The following ESR2 variants were observed in gnomAD, a reference collection of about 807,000 sequenced individuals.
ESR2 encodes estrogen receptor beta.
ESR2 carries 36 observed loss-of-function variants against 49.6 expected under a neutral mutation model. The observed-to-expected ratio is 0.73, with a 90% CI of 0.56 to 0.96. ESR2 has a LOEUF of 0.96. ESR2 is among the 40% of genes least tolerant of loss of function. ESR2 has a pLI of 0.00. For missense variants in ESR2, 714 were observed against 693.0 expected (o/e 1.03, Z -0.34); for synonymous variants, 320 against 266.1 (o/e 1.20, Z -1.97).
chr14:64,313,960 TGATAGAATGA>T (rs146794327), intron 1 of ESR2, among the ~76,000 whole-genome samples: 305 of 151,504 alleles, frequency 2.0e-3, no homozygotes, highest in African/African-American at 7.2e-3. Context: ...CTCTCTCAGT[TGATAGAATGA>T]GATAGATAAT....
In ESR2 at chr14:64,263,152, A is replaced by G. The variant is rs117044428; in HGVS notation, c.653-2404T>C. 9.4e-3 allele frequency among the ~76,000 whole-genome samples: 1,431 copies of G among 152,284 alleles called. 11 individuals carry two copies. The highest frequency in any genetic ancestry group is 0.014 in the Admixed American group (212 of 15,306). ...AAATTATACATATTTTTAAATCTAG[A>G]CATAGATTAGGTGTAAGAGATATAC... On this transcript the variant is annotated intron_variant, in intron 4 of 8. Transcript: ENST00000341099.
intron 1 of ESR2, among the ~76,000 whole-genome samples, chr14:64,327,392 C>T (rs1464399274): frequency 2.0e-5 from 3 of 150,478 alleles, no homozygotes; most frequent in Non-Finnish European, 4.4e-5. Context: ...GAAACCCCAT[C>T]TCTACTAAAA....
chr14:64,242,239 A>G (rs1054807815), intron 7 of ESR2, among the ~76,000 whole-genome samples: 10 of 151,994 alleles, frequency 6.6e-5, no homozygotes, highest in Admixed American at 6.6e-4. Context: ...GTGAAACCTC[A>G]TCTCTACTAA....
At chr14:64,295,634 C>A (rs2076946654), upstream of ESR2, among the ~76,000 whole-genome samples, 1 of 152,164 alleles carries the variant, frequency 6.6e-6, no homozygotes, top group African/African-American at 2.4e-5. Context: ...CTGCAGCAGA[C>A]AACATGCCAA....
chr14:64,328,331 A>C (rs28659912), intron 1 of ESR2, among the ~76,000 whole-genome samples: 21,486 of 152,020 alleles, frequency 0.14, 2,055 homozygotes, highest in African/African-American at 0.27. Flanking sequence ...AGACAGGAGA[A>C]TCACTTGAAC....
chr14:64,235,136 C>T lies in ESR2; in HGVS notation c.1240G>A (p.Val414Ile). 1.9e-6 allele frequency: 3 copies of T among 1,613,658 alleles called. No individual in the cohort carries two copies. Among genetic ancestry groups the T allele is most frequent in the Non-Finnish European group, 2.5e-6 (3 of 1,179,988 alleles). The change falls in exon 8 of 9, where the codon GTC becomes ATC. Residue 414 changes from valine (V) to isoleucine (I), a missense_variant. Coordinates refer to ENST00000341099, the MANE Select transcript of ESR2 (RefSeq NM_001437.3). ...ILLNSSMYPL[V>I]TATQDADSSR... ...CTGTCAGCATCCTGGGTCGCTGTGA[C>T]CAGAGGGTACATACCTGGACAAAGA...
At chr14:64,338,366 C>T (rs967675018), upstream of ESR2, 2 of 154,928 alleles carry the variant, frequency 1.3e-5, no homozygotes, top group African/African-American at 4.8e-5. Context: ...GGTGCTGGGC[C>T]CAGACCCAGG....
intron 1 of ESR2, among the ~76,000 whole-genome samples, chr14:64,305,209 T>C (rs1400822632): frequency 1.4e-5 from 2 of 144,236 alleles, no homozygotes; most frequent in African/African-American, 5.2e-5. Context: ...GAGAATGGCG[T>C]GAACCCAGGA....
At chr14:64,320,895 C>G (rs2077317706) in intron 1 of ESR2, among the ~76,000 whole-genome samples, 1 of 151,190 alleles carries the variant, frequency 6.6e-6, no homozygotes. Flanking sequence ...AACTCCGCCT[C>G]AATAATAATA....
intron 7 of ESR2, among the ~76,000 whole-genome samples, chr14:64,246,734 C>CAAAAAAAAAAAAAAAAAAAAAAAAAAAAA (rs71123836): frequency 8.2e-5 from 3 of 36,452 alleles, no homozygotes; most frequent in African/African-American, 2.5e-4. Context: ...AAGACTCTGT[C>CAAAAAAAAAAAAAAAAAAAAAAAAAAAAA]AAAAAAAAAA....
rs961646205 is a variant in ESR2 at position 64,232,950 on chromosome 14, A to C, written c.*187T>G. On this transcript the variant is annotated 3_prime_UTR_variant, in exon 9 of 9. Transcript: ENST00000341099. ...CAAATGTGCCCTCTGCTAACAAGGG[A>C]AACTATGGCTTCCTCACACCGACTC... is the stretch of plus-strand genomic sequence containing the variant. The C allele has an allele frequency of 2.3e-6, 3 of 1,280,360 alleles. No individual in the cohort carries two copies. The highest frequency in any genetic ancestry group is 3.0e-5 in the African/African-American group (2 of 67,478). 79.3% of individuals were successfully genotyped at this position (1,280,360 alleles called of 1,614,324 possible). A position where few individuals can be genotyped will look rare whatever the true frequency, so the allele number is the denominator to read the frequency against.
intron 4 of ESR2, among the ~76,000 whole-genome samples, chr14:64,266,899 CCAGA>C (rs1218637215): frequency 6.6e-6 from 1 of 152,180 alleles, no homozygotes; most frequent in African/African-American, 2.4e-5. Context: ...CCCCCCGCCC[CCAGA>C]CAGAGTCTCA....
chr14:64,338,446 G>C, upstream of ESR2: 1 of 154,924 alleles, frequency 6.5e-6, no homozygotes, highest in Middle Eastern at 5.5e-4. Context: ...AAGTCGGAAG[G>C]CGCGCCAAGC....
chr14:64,277,491 G>A (rs371994100), intron 3 of ESR2, among the ~76,000 whole-genome samples: 41 of 151,984 alleles, frequency 2.7e-4, no homozygotes, highest in African/African-American at 9.9e-4. Flanking sequence ...AGGGTGTGGT[G>A]GCCAGCTCCT....
chr14:64,298,936 C>T (rs532669199), upstream of ESR2, among the ~76,000 whole-genome samples: 7 of 150,630 alleles, frequency 4.6e-5, no homozygotes, highest in South Asian at 1.3e-3. Context: ...TTCTCTTGAG[C>T]TAGAAGAGAA....
At chr14:64,256,766 A>C (rs139689180) in intron 6 of ESR2, among the ~76,000 whole-genome samples, 55 of 152,184 alleles carry the variant, frequency 3.6e-4, no homozygotes, top group Admixed American at 2.5e-3. Flanking sequence ...CAAAACAAAA[A>C]AAAACAAAAG....
chr14:64,307,002 A>G (rs558479857), intron 1 of ESR2, among the ~76,000 whole-genome samples: 24 of 152,130 alleles, frequency 1.6e-4, no homozygotes, highest in Admixed American at 1.3e-3. Context: ...ATTTTTGGTA[A>G]TTTGGTTTTT....
chr14:64,260,680 AGT>A lies in ESR2; in HGVS notation c.719_720del (p.His240LeufsTer36). The A allele has an allele frequency of 3.2e-6, 5 of 1,560,048 alleles. No homozygotes were observed. The highest frequency in any genetic ancestry group is 3.8e-5 in the Admixed American group (2 of 53,018). On this transcript the variant is annotated frameshift_variant, in exon 5 of 9. Coordinates refer to ENST00000341099, the MANE Select transcript of ESR2 (RefSeq NM_001437.3). LOFTEE classifies it high-confidence loss of function. ...RRQRSADEQLHCAGKAKRSGG... is the reference protein window; with the variant it reads ...RRQRSADEQLXCAGKAKRSGG... ...CCACTTCTCTTGGCCTTGCCGGCAC[AGT>A]GCAGCTGCTCGTCGGCACTTCTCTG...
intron 7 of ESR2, among the ~76,000 whole-genome samples, chr14:64,237,804 T>G (rs13329021): frequency 0.34 from 52,229 of 152,054 alleles, 9,080 homozygotes; most frequent in Middle Eastern, 0.41. Context: ...ATTCCATTTA[T>G]AATAAAATGT....
Sources: allele counts gnomAD v4.1 joint callset (sites outside exome capture counted in the v4.1 genomes callset), GRCh38; gene constraint gnomAD v4.1.1; transcripts MANE v1.5; gene names NCBI Gene and HGNC (gene_info 2026-07-23, HGNC 2026-07-21).